ADIPOR1: variants seen among roughly 807,000 people sequenced by gnomAD.
ADIPOR1 encodes the protein adiponectin receptor 1, also known as adiponectin receptor protein 1.
ADIPOR1 carries 15 observed loss-of-function variants against 37.5 expected under a neutral mutation model. That is an observed-to-expected ratio of 0.40 (90% confidence interval 0.27 to 0.62). ADIPOR1 has a LOEUF of 0.62. Ranked by LOEUF, ADIPOR1 falls within the 20% of genes least tolerant of loss-of-function variation. The pLI, the probability that ADIPOR1 is intolerant of heterozygous loss-of-function variation, is 0.42. For missense variants in ADIPOR1, 286 were observed against 478.0 expected (o/e 0.60, Z 3.75); for synonymous variants, 173 against 173.2 (o/e 1.00, Z 0.01).
In ADIPOR1 at chr1:202,951,120, G is replaced by T. The variant is rs1654564733; in HGVS notation, c.-50C>A. On this transcript the variant is annotated 5_prime_UTR_variant, in exon 2 of 8. Coordinates refer to ENST00000340990, the MANE Select transcript of ADIPOR1 (RefSeq NM_015999.6). Reference sequence around the variant, plus strand: ...AGCTTCAGCTTGGGGAAAGGTTGGGGTCTCTCAGCCCCAGGGGGCAGAGAT... The same window carrying T: ...AGCTTCAGCTTGGGGAAAGGTTGGGTTCTCTCAGCCCCAGGGGGCAGAGAT... The T allele has an allele frequency of 1.9e-6, 3 of 1,610,622 alleles. No individual in the cohort carries two copies. The African/African-American group carries it at 4.0e-5, about 22-fold the overall frequency.
intron 2 of ADIPOR1, 140 bp from the exon 3 acceptor site, chr1:202,948,560 C>A: frequency 1.5e-6 from 1 of 676,456 alleles, no homozygotes; most frequent in Non-Finnish European, 2.6e-6. Context: ...GGTCTCTTCT[C>A]CAAAAGCATA....
intron 1 of ADIPOR1, among the ~76,000 whole-genome samples, chr1:202,955,279 T>C (rs943048745): frequency 1.3e-5 from 2 of 151,722 alleles, no homozygotes; most frequent in Non-Finnish European, 2.9e-5. Context: ...TGGAGTGCAG[T>C]GGTGTGATCT....
In ADIPOR1 at chr1:202,941,022, C is replaced by G. The variant is rs1363121965; in HGVS notation, c.*551G>C. 2 of 152,484 alleles carry G rather than the reference C, an allele frequency of 1.3e-5. No individual in the cohort carries two copies. The highest frequency in any genetic ancestry group is 1.3e-4 in the Admixed American group (2 of 15,260). 9.4% of individuals were successfully genotyped at this position (152,484 alleles called of 1,614,324 possible). Reference sequence around the variant, plus strand: ...AAACTCAAGTTACTTGAAGCCTGGACACACTTCCATGATTAGCCGGGCTAG... The same window carrying G: ...AAACTCAAGTTACTTGAAGCCTGGAGACACTTCCATGATTAGCCGGGCTAG... On this transcript the variant is annotated 3_prime_UTR_variant, in exon 8 of 8. Transcript: ENST00000340990.
At chr1:202,951,514 C>T (rs1654580497) in intron 1 of ADIPOR1, among the ~76,000 whole-genome samples, 1 of 152,160 alleles carries the variant, frequency 6.6e-6, no homozygotes, top group Non-Finnish European at 1.5e-5. Context: ...TCTATCACTC[C>T]CAAAGCTCAC....
rs375847149 is a variant in ADIPOR1, at chr1:202,950,945, G to A, written c.126C>T (p.Ile42=). The A allele has an allele frequency of 3.7e-5, 59 of 1,614,156 alleles. No homozygotes were observed. The African/African-American group carries it at 5.1e-4, about 14-fold the overall frequency. ...GATGACTTACTTTGGGTGGGTTGGCGATTACCCGTTTGCCCTTCTCTTCTA... is the reference window on the plus strand; with the variant it reads ...GATGACTTACTTTGGGTGGGTTGGCAATTACCCGTTTGCCCTTCTCTTCTA... ...PLLEEKGKRV[I]ANPPKAEEEQ... is the part of the protein sequence containing the mutation. The change falls in exon 2 of 8, where the codon ATC becomes ATT. Residue 42 remains isoleucine, a synonymous_variant. Transcript: ENST00000340990.
intron 1 of ADIPOR1, among the ~76,000 whole-genome samples, chr1:202,953,533 T>C (rs1218364076): frequency 6.6e-6 from 1 of 152,200 alleles, no homozygotes; most frequent in East Asian, 1.9e-4. Flanking sequence ...GCATATGACT[T>C]AGCTTCTAGC....
In ADIPOR1 at chr1:202,941,349, G is replaced by A. The variant is rs1462897229; in HGVS notation, c.*224C>T. On this transcript the variant is annotated 3_prime_UTR_variant, in exon 8 of 8. Coordinates refer to ENST00000340990, the MANE Select transcript of ADIPOR1 (RefSeq NM_015999.6). ...GGGCCGGTAGATGCCTTGCTGAGGA[G>A]GGGATGGCTAAGTTTGACCATGCCC... 2 of 396,634 alleles carry A rather than the reference G, an allele frequency of 5.0e-6. No homozygotes were observed. Among genetic ancestry groups the A allele is most frequent in the Non-Finnish European group, 8.8e-6 (2 of 226,200 alleles). 24.6% of individuals were successfully genotyped at this position (396,634 alleles called of 1,614,324 possible).
Position 202,941,556 on chromosome 1 carries a change from C to T in ADIPOR1, c.*17G>A, listed in dbSNP as rs1417646979. 4 of 1,594,298 alleles carry T rather than the reference C, an allele frequency of 2.5e-6. No individual in the cohort carries two copies. Among genetic ancestry groups the T allele is most frequent in the Middle Eastern group, 1.7e-4 (1 of 5,924 alleles). On this transcript the variant is annotated 3_prime_UTR_variant, in exon 8 of 8. Transcript: ENST00000340990. ...AGCACTTGGGAAGTTCCTCCTCCAC[C>T]CCGCAGGTGGGAAGGCTCAGAGAAG...
At chr1:202,951,699 G>C (rs1331654071) in intron 1 of ADIPOR1, among the ~76,000 whole-genome samples, 3 of 152,216 alleles carry the variant, frequency 2.0e-5, no homozygotes, top group African/African-American at 7.2e-5. Context: ...AAAGGAACTT[G>C]GTTGTGGGAC....
chr1:202,950,025 C>T (rs538202367), intron 2 of ADIPOR1, among the ~76,000 whole-genome samples: 7 of 152,070 alleles, frequency 4.6e-5, no homozygotes, highest in South Asian at 2.1e-4. Context: ...TGCAATGGCA[C>T]GATCTCGGCT....
At chr1:202,955,945 T>A (rs1000938620) in intron 1 of ADIPOR1, among the ~76,000 whole-genome samples, 6 of 152,160 alleles carry the variant, frequency 3.9e-5, no homozygotes, top group Non-Finnish European at 7.3e-5. Flanking sequence ...CCGGATAATT[T>A]TTGTATTTTT....
chr1:202,943,838 A>G lies in ADIPOR1; in HGVS notation c.725T>C (p.Val242Ala). 6.2e-7 allele frequency: 1 copy of G among 1,614,248 alleles called. No individual in the cohort carries two copies. Among genetic ancestry groups the G allele is most frequent in the South Asian group, 1.1e-5 (1 of 91,086 alleles). The stretch of plus-strand genomic sequence containing the variant: ...GATGGCAGAAATGCCCAGGACACAG[A>G]CGATGGAGAGGTAGATGAGCCGTGG... ...PQPRLIYLSI[V>A]CVLGISAIIV... Residue 242 changes from valine to alanine, a missense_variant, in exon 6 of 8, where the codon GTC (valine) becomes GCC (alanine). Coordinates refer to ENST00000340990, the MANE Select transcript of ADIPOR1 (RefSeq NM_015999.6).
intron 2 of ADIPOR1, among the ~76,000 whole-genome samples, chr1:202,949,352 G>T (rs900592568): frequency 6.6e-6 from 1 of 150,880 alleles, no homozygotes; most frequent in African/African-American, 2.4e-5. Context: ...AGGCCGAGGC[G>T]GGCGGATCAC....
rs1048097789 is a variant in ADIPOR1 at position 202,945,202 on chromosome 1, GA to G, written c.431-34del. 3.3e-6 allele frequency: 5 copies of G among 1,534,160 alleles called. No homozygotes were observed. In the African/African-American group the frequency reaches 5.6e-5, roughly 17 times the overall value. ...AGGGTAAAATAAAAAAAACCTGTAAGAAAAAAGGGAATGTGTACACTTTGAT... is the reference window on the plus strand; with the variant it reads ...AGGGTAAAATAAAAAAAACCTGTAAGAAAAAGGGAATGTGTACACTTTGAT... On this transcript the variant is annotated intron_variant, in intron 4 of 7. Transcript: ENST00000340990.
At chr1:202,946,013 A>G (rs1170180821) in intron 4 of ADIPOR1, among the ~76,000 whole-genome samples, 1 of 142,442 alleles carries the variant, frequency 7.0e-6, no homozygotes, top group East Asian at 2.1e-4. Flanking sequence ...TTGTAACCCA[A>G]GAGCTATTGA....
chr1:202,943,901 A>C lies in ADIPOR1; in HGVS notation c.662T>G (p.Val221Gly). ...GIALLIMGSF[V>G]PWLYYSFYCS... ...GTAGAAGGAATAATAGAGCCAGGGG[A>C]CAAAGCTCCCCATAATTAGAAGAGC... The change falls in exon 6 of 8, where the codon GTC (valine) becomes GGC (glycine). Residue 221 changes from valine to glycine, a missense_variant. Physicochemically the swap from Val to Gly is moderately radical, Grantham distance 109. Coordinates refer to ENST00000340990, the MANE Select transcript of ADIPOR1 (RefSeq NM_015999.6). 6.2e-7 allele frequency: 1 copy of C among 1,614,064 alleles called. No homozygotes were observed. Among genetic ancestry groups the C allele is most frequent in the Non-Finnish European group, 8.5e-7 (1 of 1,179,958 alleles).
chr1:202,946,602 C>T lies in ADIPOR1; in HGVS notation c.267G>A (p.Glu89=). The change falls in exon 4 of 8, where the codon GAG becomes GAA. Residue 89 remains glutamate (E), a synonymous_variant. Transcript: ENST00000340990. The stretch of plus-strand genomic sequence containing the variant: ...CATATGGGATGACCCTCCAACGTCC[C>T]TCCCAGACCTAGAACATATACACTT... ...KMEEFVYKVW[E]GRWRVIPYDV... 1 of 1,614,044 alleles carries T rather than the reference C, an allele frequency of 6.2e-7. No individual in the cohort carries two copies. Among genetic ancestry groups the T allele is most frequent in the Non-Finnish European group, 8.5e-7 (1 of 1,180,020 alleles).
At chr1:202,950,850 G>A in intron 2 of ADIPOR1, 80 bp downstream of exon 2, 1 of 1,566,252 alleles carries the variant, frequency 6.4e-7, no homozygotes, top group Non-Finnish European at 8.7e-7. Context: ...TTTGGACGGT[G>A]AGCTCTTAAA....
At chr1:202,949,730 G>A (rs546839550) in intron 2 of ADIPOR1, among the ~76,000 whole-genome samples, 2 of 152,188 alleles carry the variant, frequency 1.3e-5, no homozygotes, top group East Asian at 3.9e-4. Context: ...TGTTGCTGAT[G>A]GTCACTAGTA....
Sources: allele counts gnomAD v4.1 joint callset (sites outside exome capture counted in the v4.1 genomes callset), GRCh38; gene constraint gnomAD v4.1.1; transcripts MANE v1.5; gene names NCBI Gene and HGNC (gene_info 2026-07-23, HGNC 2026-07-21).